Variants in SHC4 observed in about 807,000 individuals in gnomAD.
SHC4 encodes SHC-transforming protein 4.
SHC4 carries 41 observed loss-of-function variants against 69.4 expected under a neutral mutation model. The ratio of observed to expected loss-of-function variants is 0.59; its 90% CI spans 0.46 to 0.77. The LOEUF (loss-of-function observed/expected upper bound fraction) is 0.77. SHC4 is among the 30% of genes least tolerant of loss of function. The pLI is 0.00. For synonymous variants in SHC4, 318 were observed against 299.3 expected (o/e 1.06, Z -0.64); for missense variants, 777 against 783.8 (o/e 0.99, Z 0.10).
intron 10 of SHC4, among the ~76,000 whole-genome samples, chr15:48,839,809 T>C (rs1898960121): frequency 6.6e-6 from 1 of 152,236 alleles, no homozygotes; most frequent in Non-Finnish European, 1.5e-5. Context: ...GGCAAATATG[T>C]TCTATGTGAA....
intron 4 of SHC4, among the ~76,000 whole-genome samples, chr15:48,873,749 A>C (rs1187781588): frequency 6.6e-6 from 1 of 152,216 alleles, no homozygotes; most frequent in African/African-American, 2.4e-5. Context: ...TCAAAAAAAA[A>C]AACAGAAAAA....
chr15:48,875,487 T>A (rs1422997307), intron 4 of SHC4, among the ~76,000 whole-genome samples: 1 of 152,220 alleles, frequency 6.6e-6, no homozygotes. Flanking sequence ...GTTCAAAAGG[T>A]GGCATGTGTT....
chr15:48,864,888 C>A (rs545141494), intron 6 of SHC4, among the ~76,000 whole-genome samples: 22 of 152,332 alleles, frequency 1.4e-4, no homozygotes, highest in African/African-American at 3.8e-4. Flanking sequence ...AGTCCCCCCA[C>A]AATCTGTCTC....
intron 8 of SHC4, among the ~76,000 whole-genome samples, chr15:48,852,265 G>A (rs1177221992): frequency 6.6e-6 from 1 of 152,188 alleles, no homozygotes; most frequent in Non-Finnish European, 1.5e-5. Flanking sequence ...TGCTAATGTG[G>A]TGGTAGGGCA....
chr15:48,961,696 G>A (rs16961946), intron 1 of SHC4, among the ~76,000 whole-genome samples: 20,334 of 152,090 alleles, frequency 0.13, 2,041 homozygotes, highest in East Asian at 0.49. Flanking sequence ...TTAGTATTTC[G>A]CATGTATTCA....
chr15:48,875,987 C>G (rs1475900190), intron 4 of SHC4, among the ~76,000 whole-genome samples: 1 of 152,208 alleles, frequency 6.6e-6, no homozygotes. Context: ...CACGTCTTCT[C>G]TTACACACAG....
chr15:48,953,416 T>TA (rs1197754358), intron 1 of SHC4, among the ~76,000 whole-genome samples: 11 of 150,466 alleles, frequency 7.3e-5, no homozygotes, highest in South Asian at 2.1e-4. Flanking sequence ...AAATAAAAGT[T>TA]AAAAAAAAAC....
chr15:48,897,786 T>A (rs74948733), intron 2 of SHC4, among the ~76,000 whole-genome samples: 1 of 87,154 alleles, frequency 1.1e-5, no homozygotes, highest in African/African-American at 4.2e-5. Context: ...CACACACACA[T>A]CTATAGTCAC....
At chr15:48,875,192 GCTAT>G (rs35648268) in intron 4 of SHC4, among the ~76,000 whole-genome samples, 56,458 of 151,966 alleles carry the variant, frequency 0.37, 11,392 homozygotes, top group Middle Eastern at 0.54. Context: ...GTAGCAAGTG[GCTAT>G]CTAACAAAGC....
chr15:48,851,601 G>A (rs926261467), intron 8 of SHC4, among the ~76,000 whole-genome samples: 3 of 152,184 alleles, frequency 2.0e-5, no homozygotes, highest in African/African-American at 7.2e-5. Flanking sequence ...CATTGGCCAT[G>A]TAGCCAACCT....
intron 4 of SHC4, among the ~76,000 whole-genome samples, chr15:48,880,610 G>T (rs1380783994): frequency 6.6e-6 from 1 of 152,106 alleles, no homozygotes; most frequent in Non-Finnish European, 1.5e-5. Flanking sequence ...GGGCAAAGAG[G>T]TGGGGGTGGG....
intron 8 of SHC4, 127 bp from the exon 9 acceptor site, chr15:48,851,375 C>T: frequency 1.1e-6 from 1 of 870,252 alleles, no homozygotes; most frequent in Non-Finnish European, 1.8e-6. Flanking sequence ...AAATGTTTGA[C>T]AGGTAAGAAA....
intron 2 of SHC4, among the ~76,000 whole-genome samples, chr15:48,897,978 T>C (rs1418074005): frequency 2.0e-5 from 3 of 152,176 alleles, no homozygotes; most frequent in African/African-American, 7.2e-5. Context: ...CTTAAAGAAA[T>C]CAGTTAACAA....
At chr15:48,860,079 C>A (rs1043103021) in intron 6 of SHC4, among the ~76,000 whole-genome samples, 10 of 152,042 alleles carry the variant, frequency 6.6e-5, no homozygotes, top group African/African-American at 2.4e-4. Context: ...AGAGAGAGAG[C>A]TTACATAATA....
intron 1 of SHC4, among the ~76,000 whole-genome samples, chr15:48,928,388 G>C (rs761956005): frequency 6.6e-6 from 1 of 152,088 alleles, no homozygotes; most frequent in Non-Finnish European, 1.5e-5. Flanking sequence ...ACTTTAAAAG[G>C]AAAGGAGAGT....
chr15:48,921,624 C>T (rs1340807869), intron 2 of SHC4, among the ~76,000 whole-genome samples: 1 of 152,188 alleles, frequency 6.6e-6, no homozygotes, highest in Non-Finnish European at 1.5e-5. Flanking sequence ...TGAGCCACCA[C>T]GCCTGGCCAG....
At chr15:48,877,305 T>C (rs1396526783) in intron 4 of SHC4, 2 of 576,538 alleles carry the variant, frequency 3.5e-6, no homozygotes, top group Non-Finnish European at 4.4e-6. Flanking sequence ...TGATTCTACA[T>C]TATGGTGAGT....
intron 4 of SHC4, 147 bp downstream of exon 4, chr15:48,884,101 T>G (rs1312846227): frequency 3.6e-6 from 3 of 828,286 alleles, no homozygotes. Context: ...TTCTAATGAT[T>G]GTTATGCATA....
chr15:48,903,472 A>G (rs1021336224), intron 2 of SHC4, among the ~76,000 whole-genome samples: 1 of 152,076 alleles, frequency 6.6e-6, no homozygotes, highest in Admixed American at 6.6e-5. Context: ...TGATATTCCC[A>G]TTTTCCTTTC....
Sources: gnomAD v4.1 joint callset for allele counts (sites outside exome capture counted in the v4.1 genomes callset) on GRCh38, gnomAD v4.1.1 for gene constraint, MANE v1.5 for transcripts, NCBI Gene and HGNC (gene_info 2026-07-23, HGNC 2026-07-21) for gene names.